The following GGPS1 variants were observed in gnomAD, a reference collection of about 807,000 sequenced individuals.
The protein encoded by GGPS1 is geranylgeranyl diphosphate synthase 1.
Under a neutral mutation model 28.1 loss-of-function variants are expected in GGPS1, and 15 were observed. That is an observed-to-expected ratio of 0.53 (90% confidence interval 0.36 to 0.82). The LOEUF is 0.82. GGPS1 is among the 40% of genes least tolerant of loss of function. The pLI is 0.01. For missense variants in GGPS1, 284 were observed against 348.3 expected (o/e 0.82, Z 1.47); for synonymous variants, 138 against 122.4 (o/e 1.13, Z -0.84).
chr1:235,338,391 AAAG>A (rs1405147083), intron 2 of GGPS1, among the ~76,000 whole-genome samples: 2 of 152,012 alleles, frequency 1.3e-5, no homozygotes, highest in Admixed American at 6.6e-5. Context: ...CAGAAAAAAA[AAAG>A]GGGGGGAAAC....
chr1:235,341,989 A>C (rs1425576491), intron 3 of GGPS1, 22 bp from the exon 4 acceptor site: 1 of 1,428,122 alleles, frequency 7.0e-7, no homozygotes, highest in Non-Finnish European at 9.5e-7. Flanking sequence ...CAAATAAGTG[A>C]AATTTTCAAT....
Position 235,341,996 on chromosome 1 carries a change from C to CA in GGPS1, c.142-13dup. ...GAATAGTTCAAATAAGTGAAATTTTCAATTTTTTTATTAGATTATTATTGA... is the reference window on the plus strand; with the variant it reads ...GAATAGTTCAAATAAGTGAAATTTTCAAATTTTTTTATTAGATTATTATTGA... On this transcript the variant is annotated splice_polypyrimidine_tract_variant and intron_variant, in intron 3 of 3. Transcript: ENST00000282841. 7.2e-7 allele frequency: 1 copy of CA among 1,396,442 alleles called. No homozygotes were observed. The highest frequency in any genetic ancestry group is 1.5e-5 in the African/African-American group (1 of 67,028). The allele number at this position is 1,396,442 out of a possible 1,614,324, so 86.5% of individuals were successfully genotyped here. A position where few individuals can be genotyped will look rare whatever the true frequency, so the allele number is the denominator to read the frequency against.
intron 1 of GGPS1, chr1:235,330,239 CTT>C (rs1361610568): frequency 6.6e-6 from 1 of 152,276 alleles, no homozygotes; most frequent in Non-Finnish European, 1.5e-5. Context: ...AATCCCAGCA[CTT>C]TGGGAGGCCG....
In GGPS1 at chr1:235,329,390, C is replaced by G. The variant is rs944778618; in HGVS notation, c.-24+612C>G. 4 of 152,364 alleles carry G rather than the reference C, an allele frequency of 2.6e-5. No individual in the cohort carries two copies. In the East Asian group the frequency reaches 7.7e-4, roughly 29 times the overall value. 9.4% of individuals were successfully genotyped at this position (152,364 alleles called of 1,614,324 possible). A position where few individuals can be genotyped will look rare whatever the true frequency, so the allele number is the denominator to read the frequency against. On this transcript the variant is annotated intron_variant, in intron 1 of 3. Coordinates refer to ENST00000282841, the MANE Select transcript of GGPS1 (RefSeq NM_004837.4). ...CTGCGCCTGGTGAGACGGACAGATG[C>G]TGAACAAAACGATGTGAAATTACCG...
chr1:235,342,740 TTAAG>T lies in GGPS1; in HGVS notation c.876_879del (p.Ser292ArgfsTer22), dbSNP rs750410294. 11 of 1,590,332 alleles carry T rather than the reference TTAAG, an allele frequency of 6.9e-6. No individual in the cohort carries two copies. Among genetic ancestry groups the T allele is most frequent in the Admixed American group, 1.8e-5 (1 of 54,206 alleles). ...TGAGCTAGTAGCCTTAGTAAAACAC[TTAAG>T]TAAGATGTTCAAAGAAGAAAATGAA... On this transcript the variant is annotated frameshift_variant, in exon 4 of 4. Coordinates refer to ENST00000282841, the MANE Select transcript of GGPS1 (RefSeq NM_004837.4). LOFTEE classifies it high-confidence loss of function.
upstream of GGPS1, chr1:235,328,033 T>A (rs949654620): frequency 6.6e-6 from 1 of 152,510 alleles, no homozygotes; most frequent in Non-Finnish European, 1.5e-5. Context: ...CGCGCTGCCC[T>A]CCAGAGGACG....
At chr1:235,337,921 G>A (rs1675916669) in intron 2 of GGPS1, among the ~76,000 whole-genome samples, 1 of 151,182 alleles carries the variant, frequency 6.6e-6, no homozygotes, top group South Asian at 2.1e-4. Context: ...ATTTGCCTTA[G>A]TGTGGGGCCC....
In GGPS1 at chr1:235,331,033, G is replaced by A. The variant is rs530628586; in HGVS notation, c.-24+2255G>A. Among the ~76,000 whole-genome samples, 172 of 152,270 alleles carry A rather than the reference G, an allele frequency of 1.1e-3. 1 individual carries two copies. Among genetic ancestry groups the A allele is most frequent in the African/African-American group, 4.0e-3 (168 of 41,538 alleles). ...TCAATCCCTGATAATAAGGTCACGT[G>A]TCAGAGATCAAATAGTATAGGTAAT... On this transcript the variant is annotated intron_variant, in intron 1 of 3. Coordinates refer to ENST00000282841, the MANE Select transcript of GGPS1 (RefSeq NM_004837.4).
rs772423462 is a variant in GGPS1, at chr1:235,342,484, T to C, written c.615T>C (p.Cys205=). The change falls in exon 4 of 4, where the codon TGT becomes TGC. Residue 205 remains cysteine (C), a synonymous_variant. Coordinates refer to ENST00000282841, the MANE Select transcript of GGPS1 (RefSeq NM_004837.4). ...SKEYSENKSF[C]EDLTEGKFSF... is the part of the protein sequence containing the mutation. ...AATATAGTGAAAACAAAAGTTTTTG[T>C]GAAGATCTGACAGAGGGAAAGTTCT... The C allele has an allele frequency of 6.2e-7, 1 of 1,613,750 alleles. No individual in the cohort carries two copies. Among genetic ancestry groups the C allele is most frequent in the Non-Finnish European group, 8.5e-7 (1 of 1,179,810 alleles).
At chr1:235,339,228 G>A (rs1447035323) in intron 2 of GGPS1, among the ~76,000 whole-genome samples, 1 of 151,934 alleles carries the variant, frequency 6.6e-6, no homozygotes, top group Admixed American at 6.6e-5. Context: ...GAACCTAGGA[G>A]GTGGAGGTTG....
intron 2 of GGPS1, among the ~76,000 whole-genome samples, chr1:235,338,672 G>T (rs149688995): frequency 6.6e-6 from 1 of 152,050 alleles, no homozygotes; most frequent in African/African-American, 2.4e-5. Flanking sequence ...AGGGGTTTGA[G>T]ACCAGCCTGG....
intron 2 of GGPS1, among the ~76,000 whole-genome samples, chr1:235,340,629 G>A (rs576573126): frequency 2.0e-5 from 3 of 149,992 alleles, no homozygotes; most frequent in African/African-American, 7.3e-5. Flanking sequence ...CCAGCTACTC[G>A]GGAGGCTGAG....
chr1:235,333,063 G>A lies in GGPS1; in HGVS notation c.-23-2179G>A, dbSNP rs1332687952. On this transcript the variant is annotated intron_variant, in intron 1 of 3. Transcript: ENST00000282841. Reference sequence around the variant, plus strand: ...AGCCTGGGCGACAGAGTGAGACTCCGTCTCAAAAAAAAAAAAAAAAAAAAA... The same window carrying A: ...AGCCTGGGCGACAGAGTGAGACTCCATCTCAAAAAAAAAAAAAAAAAAAAA... Among the ~76,000 whole-genome samples, 140 of 84,116 alleles carry A rather than the reference G, an allele frequency of 1.7e-3. 1 individual carries two copies. Among genetic ancestry groups the A allele is most frequent in the Non-Finnish European group, 2.4e-3 (118 of 48,252 alleles). 55.2% of individuals were successfully genotyped at this position (84,116 alleles called of 152,430 possible).
intron 1 of GGPS1, among the ~76,000 whole-genome samples, chr1:235,332,280 T>A (rs1300896004): frequency 6.6e-6 from 1 of 152,212 alleles, no homozygotes; most frequent in Non-Finnish European, 1.5e-5. Context: ...CATGTCCATG[T>A]ATACACATTA....
At chr1:235,332,155 T>C (rs1013227873) in intron 1 of GGPS1, among the ~76,000 whole-genome samples, 1 of 152,182 alleles carries the variant, frequency 6.6e-6, no homozygotes, top group Non-Finnish European at 1.5e-5. Context: ...GTCAGGACTT[T>C]TAGGGGGTCC....
At position 235,343,869 on chromosome 1, in the gene GGPS1, T is replaced by C. The variant is rs1676130585; in HGVS notation, c.*1097T>C. 1 of 166,926 alleles carries C rather than the reference T, an allele frequency of 6.0e-6. No individual in the cohort carries two copies. Among genetic ancestry groups the C allele is most frequent in the Non-Finnish European group, 1.5e-5 (1 of 68,096 alleles). The allele number at this position is 166,926 out of a possible 1,614,324, so 10.3% of individuals were successfully genotyped here. On this transcript the variant is annotated 3_prime_UTR_variant, in exon 4 of 4. Coordinates refer to ENST00000282841, the MANE Select transcript of GGPS1 (RefSeq NM_004837.4). The stretch of plus-strand genomic sequence containing the variant: ...TGACAATCTTAAAAGGGTTGTTTTC[T>C]TACCTTAAGTACAAAAGCATGGAAA...
intron 2 of GGPS1, among the ~76,000 whole-genome samples, chr1:235,340,780 AC>A (rs1676019727): frequency 6.6e-6 from 1 of 151,006 alleles, no homozygotes; most frequent in Non-Finnish European, 1.5e-5. Flanking sequence ...AAAAGAAGAT[AC>A]TGAAAAATAG....
chr1:235,331,387 T>C (rs1053316288), intron 1 of GGPS1, among the ~76,000 whole-genome samples: 10 of 152,352 alleles, frequency 6.6e-5, no homozygotes, highest in African/African-American at 2.4e-4. Flanking sequence ...GCTTTAATTT[T>C]CATTTGTAAT....
chr1:235,337,979 A>C (rs1285334265), intron 2 of GGPS1, among the ~76,000 whole-genome samples: 1 of 152,062 alleles, frequency 6.6e-6, no homozygotes, highest in Admixed American at 6.6e-5. Flanking sequence ...CTGGCAGTGG[A>C]GGAAGAAGGG....
Sources: allele counts gnomAD v4.1 joint callset (sites outside exome capture counted in the v4.1 genomes callset), GRCh38; gene constraint gnomAD v4.1.1; transcripts MANE v1.5; gene names NCBI Gene and HGNC (gene_info 2026-07-23, HGNC 2026-07-21).